The following COL24A1 variants were observed in gnomAD, a reference collection of about 807,000 sequenced individuals.
COL24A1 encodes collagen type XXIV alpha 1 chain, also known as collagen alpha-1(XXIV) chain.
Under a neutral mutation model 253.9 loss-of-function variants are expected in COL24A1, and 224 were observed. The ratio of observed to expected loss-of-function variants is 0.88; its 90% CI spans 0.79 to 0.99. The LOEUF (loss-of-function observed/expected upper bound fraction) is 0.99, where lower values mean the gene tolerates loss of function less well. Among genes scored for constraint, COL24A1 ranks in the 50% least tolerant of loss-of-function variants. COL24A1 has a pLI of 0.00. For missense variants in COL24A1, 2,131 were observed against 2,068.5 expected (o/e 1.03, Z -0.59); for synonymous variants, 685 against 673.7 (o/e 1.02, Z -0.26).
chr1:86,047,967 G>A (rs1320609471), intron 11 of COL24A1, among the ~76,000 whole-genome samples: 1 of 152,018 alleles, frequency 6.6e-6, no homozygotes, highest in Non-Finnish European at 1.5e-5. Flanking sequence ...CAAGTCAACA[G>A]TGTTTAAAAA....
intron 5 of COL24A1, among the ~76,000 whole-genome samples, chr1:86,107,722 A>G (rs916001598): frequency 1.3e-5 from 2 of 151,864 alleles, no homozygotes; most frequent in African/African-American, 2.4e-5. Context: ...TTTTTAGTAG[A>G]GACGGGGTTT....
intron 47 of COL24A1, among the ~76,000 whole-genome samples, chr1:85,811,498 T>C (rs1672528964): frequency 6.6e-6 from 1 of 152,206 alleles, no homozygotes; most frequent in Non-Finnish European, 1.5e-5. Context: ...CAATGTTTAA[T>C]TTTCTGAGGA....
chr1:85,987,372 A>C (rs962302169), intron 20 of COL24A1, among the ~76,000 whole-genome samples: 2 of 151,852 alleles, frequency 1.3e-5, no homozygotes, highest in Non-Finnish European at 3.0e-5. Context: ...CTTCCAAAAA[A>C]ATCCTTCTGG....
At chr1:85,903,905 T>G (rs1684559346) in intron 28 of COL24A1, among the ~76,000 whole-genome samples, 1 of 152,118 alleles carries the variant, frequency 6.6e-6, no homozygotes, top group African/African-American at 2.4e-5. Flanking sequence ...GAAAAAAATA[T>G]TTTGATTCTA....
At chr1:85,858,131 A>G (rs1678667452) in intron 37 of COL24A1, among the ~76,000 whole-genome samples, 1 of 152,156 alleles carries the variant, frequency 6.6e-6, no homozygotes, top group Admixed American at 6.6e-5. Context: ...TTTCATCTAG[A>G]CTACTGCCAA....
chr1:86,008,195 G>C (rs1044194347), intron 19 of COL24A1, among the ~76,000 whole-genome samples: 6 of 152,104 alleles, frequency 3.9e-5, no homozygotes, highest in African/African-American at 1.4e-4. Flanking sequence ...ATATATATTT[G>C]ACAAAATATA....
intron 43 of COL24A1, among the ~76,000 whole-genome samples, chr1:85,831,828 G>A (rs1428763546): frequency 2.0e-5 from 3 of 152,040 alleles, no homozygotes; most frequent in Admixed American, 2.0e-4. Flanking sequence ...GGCTATGACT[G>A]GAGACAGGAA....
At chr1:85,960,133 C>T (rs940417054) in intron 24 of COL24A1, among the ~76,000 whole-genome samples, 1 of 151,884 alleles carries the variant, frequency 6.6e-6, no homozygotes, top group Admixed American at 6.6e-5. Flanking sequence ...AAAAAATGGG[C>T]ATCAGAAATG....
intron 14 of COL24A1, among the ~76,000 whole-genome samples, chr1:86,031,392 T>C (rs1181065630): frequency 6.6e-6 from 1 of 152,068 alleles, no homozygotes; most frequent in Non-Finnish European, 1.5e-5. Flanking sequence ...AGAGTGAAAT[T>C]AGAATGTTCC....
intron 51 of COL24A1, among the ~76,000 whole-genome samples, chr1:85,781,803 T>C (rs982487761): frequency 2.0e-5 from 3 of 152,268 alleles, no homozygotes; most frequent in Admixed American, 2.0e-4. Context: ...ATTGTGAGAA[T>C]TAAATATGAA....
chr1:86,108,476 A>G (rs1705205637), intron 5 of COL24A1, among the ~76,000 whole-genome samples: 1 of 151,882 alleles, frequency 6.6e-6, no homozygotes, highest in Admixed American at 6.6e-5. Flanking sequence ...AAACAGCAAC[A>G]GAGCTTATTA....
At chr1:86,096,382 T>C (rs1703892819) in intron 5 of COL24A1, among the ~76,000 whole-genome samples, 1 of 152,138 alleles carries the variant, frequency 6.6e-6, no homozygotes. Flanking sequence ...ATTTGGATAT[T>C]CTTGACTTTG....
At chr1:85,942,231 C>T (rs1688820085) in intron 24 of COL24A1, among the ~76,000 whole-genome samples, 1 of 152,240 alleles carries the variant, frequency 6.6e-6, no homozygotes, top group African/African-American at 2.4e-5. Flanking sequence ...ATTTTTAGAG[C>T]TCAAGTACAG....
intron 13 of COL24A1, among the ~76,000 whole-genome samples, chr1:86,033,380 C>T (rs598471): frequency 0.14 from 20,609 of 152,038 alleles, 1,526 homozygotes; most frequent in African/African-American, 0.17. Context: ...AAATAGCAAT[C>T]CATCATCATT....
At chr1:86,146,705 T>G (rs1036086518) in intron 1 of COL24A1, among the ~76,000 whole-genome samples, 2 of 152,036 alleles carry the variant, frequency 1.3e-5, no homozygotes, top group Admixed American at 6.6e-5. Flanking sequence ...AATATCATAC[T>G]TAAATCACTC....
intron 8 of COL24A1, among the ~76,000 whole-genome samples, chr1:86,059,654 A>C (rs116562486): frequency 2.1e-3 from 324 of 152,290 alleles, no homozygotes; most frequent in African/African-American, 7.4e-3. Context: ...AAGTAAATGA[A>C]TATTAAGTGG....
Position 85,786,423 on chromosome 1 carries a change from C to T in COL24A1, c.3990G>A (p.Gly1330=). Reference sequence around the variant, plus strand: ...CCTTTACTCCTGGAGGACCTGGAGCCCCAGCAAGACCTGTTCTTCCTGGGC... The same window carrying T: ...CCTTTACTCCTGGAGGACCTGGAGCTCCAGCAAGACCTGTTCTTCCTGGGC... ...RGGPGRTGLA[G]APGPPGVKGS... is the part of the protein sequence containing the mutation. Residue 1330 remains glycine (G), a synonymous_variant, in exon 48 of 60, where the codon GGG becomes GGA. Transcript: ENST00000370571. 6.2e-7 allele frequency: 1 copy of T among 1,613,666 alleles called. No individual in the cohort carries two copies. Among genetic ancestry groups the T allele is most frequent in the Non-Finnish European group, 8.5e-7 (1 of 1,179,772 alleles).
At chr1:86,010,671 T>C (rs1311999049) in intron 19 of COL24A1, among the ~76,000 whole-genome samples, 2 of 152,120 alleles carry the variant, frequency 1.3e-5, no homozygotes, top group Admixed American at 6.6e-5. Context: ...GTGTTTTTCA[T>C]TGCAAAATGC....
chr1:85,820,814 GGCT>G, intron 45 of COL24A1, among the ~76,000 whole-genome samples: 1 of 152,274 alleles, frequency 6.6e-6, no homozygotes, highest in East Asian at 1.9e-4. Context: ...CATTTTGAAA[GGCT>G]TCTGTTCATT....
Sources: gnomAD v4.1 joint callset for allele counts (sites outside exome capture counted in the v4.1 genomes callset) on GRCh38, gnomAD v4.1.1 for gene constraint, MANE v1.5 for transcripts, NCBI Gene and HGNC (gene_info 2026-07-23, HGNC 2026-07-21) for gene names.